BABAM2: variants seen among roughly 807,000 people sequenced by gnomAD.
BABAM2 encodes the protein BRISC and BRCA1 A complex member 2, also known as BRISC and BRCA1-A complex member 2.
BABAM2 carries 31 observed loss-of-function variants against 54.7 expected under a neutral mutation model. The observed-to-expected ratio is 0.57, with a 90% confidence interval of 0.43 to 0.77. BABAM2 has a LOEUF of 0.77. Ranked by LOEUF, BABAM2 falls within the 30% of genes least tolerant of loss-of-function variation. The pLI is 0.00. For synonymous variants in BABAM2, 167 were observed against 162.9 expected (o/e 1.03, Z -0.19); for missense variants, 364 against 455.8 (o/e 0.80, Z 1.83).
chr2:27,932,665 G>T (rs569714379), intron 3 of BABAM2, among the ~76,000 whole-genome samples: 2 of 152,250 alleles, frequency 1.3e-5, no homozygotes, highest in African/African-American at 2.4e-5. Flanking sequence ...TTTTCAGGGG[G>T]TACGTATATA....
At chr2:28,163,191 C>T (rs1442053268) in intron 7 of BABAM2, among the ~76,000 whole-genome samples, 1 of 152,106 alleles carries the variant, frequency 6.6e-6, no homozygotes, top group Non-Finnish European at 1.5e-5. Context: ...GCCTCCCAGC[C>T]GGCAGCCACC....
In BABAM2 at chr2:28,021,402, T is replaced by C. The variant is rs533512748; in HGVS notation, c.301-3824T>C. Among the ~76,000 whole-genome samples the C allele has an allele frequency of 7.2e-5, 11 of 152,298 alleles. No homozygotes were observed. The South Asian group carries it at 1.2e-3, about 17-fold the overall frequency. ...CAGGCCCTGTGTGGGGGAAAGTATC[T>C]TCTCTAGGGAGAAGATCTCATAATA... On this transcript the variant is annotated intron_variant, in intron 4 of 11. Coordinates refer to ENST00000379624, the MANE Select transcript of BABAM2 (RefSeq NM_199191.3).
intron 10 of BABAM2, among the ~76,000 whole-genome samples, chr2:28,283,028 A>G (rs1017122049): frequency 7.2e-6 from 1 of 138,150 alleles, no homozygotes; most frequent in African/African-American, 2.9e-5. Context: ...AGGAATGAAA[A>G]CAAAACAAAA....
At chr2:28,170,970 C>G (rs1674250244) in intron 7 of BABAM2, among the ~76,000 whole-genome samples, 3 of 152,174 alleles carry the variant, frequency 2.0e-5, no homozygotes, top group Non-Finnish European at 4.4e-5. Flanking sequence ...CCCGAGTCCC[C>G]TCGTCTTCCA....
At chr2:28,263,484 G>T (rs1684718179) in intron 10 of BABAM2, among the ~76,000 whole-genome samples, 1 of 152,226 alleles carries the variant, frequency 6.6e-6, no homozygotes, top group Admixed American at 6.5e-5. Flanking sequence ...ATGTGCTGGG[G>T]CACACTGATG....
chr2:27,929,965 C>T, intron 3 of BABAM2, 57 bp downstream of exon 3: 1 of 1,492,400 alleles, frequency 6.7e-7, no homozygotes, highest in South Asian at 1.2e-5. Flanking sequence ...AGCTATTGGA[C>T]TTTGTGCTTT....
chr2:28,035,837 C>G (rs1435646130), intron 5 of BABAM2, among the ~76,000 whole-genome samples: 1 of 151,598 alleles, frequency 6.6e-6, no homozygotes, highest in Non-Finnish European at 1.5e-5. Context: ...TAGATTATAA[C>G]TTTTAAAATC....
intron 11 of BABAM2, among the ~76,000 whole-genome samples, chr2:28,318,829 CCA>C (rs1689785167): frequency 6.6e-6 from 1 of 152,052 alleles, no homozygotes. Context: ...GGTGGGACAC[CCA>C]TTTGTGCCCA....
intron 3 of BABAM2, among the ~76,000 whole-genome samples, chr2:27,968,885 C>G (rs114825105): frequency 2.6e-4 from 39 of 152,258 alleles, no homozygotes; most frequent in Non-Finnish European, 4.3e-4. Context: ...TGAGTTAAAC[C>G]TTTGGGGAAC....
intron 2 of BABAM2, among the ~76,000 whole-genome samples, chr2:27,903,092 C>T (rs1445231936): frequency 6.6e-6 from 1 of 151,102 alleles, no homozygotes; most frequent in Admixed American, 6.6e-5. Flanking sequence ...TTGTCTCCCC[C>T]ACCCCCCCCA....
chr2:28,330,397 T>C (rs1255261909), intron 11 of BABAM2, among the ~76,000 whole-genome samples: 2 of 152,336 alleles, frequency 1.3e-5, no homozygotes, highest in Non-Finnish European at 2.9e-5. Context: ...AAATGGTCTG[T>C]GTTTGCAGAT....
chr2:28,039,715 A>G (rs560661143), intron 5 of BABAM2, among the ~76,000 whole-genome samples: 134 of 152,230 alleles, frequency 8.8e-4, no homozygotes, highest in Non-Finnish European at 1.6e-3. Flanking sequence ...GGAGAAGAAA[A>G]CTGTCACAGC....
intron 7 of BABAM2, 113 bp from the exon 8 acceptor site, chr2:28,237,089 C>A: frequency 1.3e-6 from 1 of 754,512 alleles, no homozygotes; most frequent in Non-Finnish European, 2.3e-6. Flanking sequence ...CATCATTAAC[C>A]TAGGCAGTTG....
chr2:27,998,396 T>G (rs1169169176), intron 4 of BABAM2, among the ~76,000 whole-genome samples: 2 of 152,004 alleles, frequency 1.3e-5, no homozygotes, highest in African/African-American at 4.8e-5. Flanking sequence ...AAGATGAATA[T>G]TCACAGTTTA....
intron 6 of BABAM2, among the ~76,000 whole-genome samples, chr2:28,050,489 A>G (rs932613298): frequency 2.6e-5 from 4 of 152,188 alleles, no homozygotes; most frequent in African/African-American, 7.2e-5. Context: ...GCTTATCACA[A>G]CTGCAACAGA....
intron 8 of BABAM2, among the ~76,000 whole-genome samples, chr2:28,240,878 A>C (rs2148067348): frequency 6.6e-6 from 1 of 151,876 alleles, no homozygotes; most frequent in East Asian, 1.9e-4. Context: ...CTCAAAAAAA[A>C]AAAAAAACAA....
intron 3 of BABAM2, among the ~76,000 whole-genome samples, chr2:27,984,644 AT>A (rs968440717): frequency 2.0e-4 from 30 of 151,608 alleles, no homozygotes; most frequent in Non-Finnish European, 4.1e-4. Flanking sequence ...ATAAAAATAT[AT>A]TTTATTTTTA....
At chr2:28,239,399 G>C (rs1459423589) in intron 8 of BABAM2, among the ~76,000 whole-genome samples, 1 of 152,150 alleles carries the variant, frequency 6.6e-6, no homozygotes, top group African/African-American at 2.4e-5. Context: ...CCTTCCCACT[G>C]TTTCTTCCAG....
At chr2:28,065,002 C>CA (rs796411019) in intron 6 of BABAM2, among the ~76,000 whole-genome samples, 1,606 of 107,060 alleles carry the variant, frequency 0.015, 20 homozygotes, top group African/African-American at 0.04. Context: ...GACTCTATCT[C>CA]AAAAAAAAAA....
Sources: gnomAD v4.1 joint callset for allele counts (sites outside exome capture counted in the v4.1 genomes callset) on GRCh38, gnomAD v4.1.1 for gene constraint, MANE v1.5 for transcripts, NCBI Gene and HGNC (gene_info 2026-07-23, HGNC 2026-07-21) for gene names.